Variants in POC1A observed in about 807,000 individuals in gnomAD.
The protein encoded by POC1A is POC1 centriolar protein homolog A.
In POC1A, 34 loss-of-function variants were observed where a neutral mutation model predicts 47.8. The observed-to-expected ratio is 0.71, with a 90% confidence interval of 0.54 to 0.95. POC1A has a LOEUF of 0.95. Ranked by LOEUF, POC1A falls within the 40% of genes least tolerant of loss-of-function variation. The pLI is 0.00. For synonymous variants in POC1A, 177 were observed against 207.6 expected, an observed-to-expected ratio of 0.85 and a Z score of 1.27; for missense variants, 466 against 528.3, an observed-to-expected ratio of 0.88 and a Z score of 1.16.
In POC1A at chr3:52,138,280, C is replaced by T. The variant is rs1401471853; in HGVS notation, c.702G>A (p.Gly234=). ...AGTTTCCCGACGGGTGGAAAGAGAG[C>T]CCGTTCACTGCTGCACTGTGCACTG... ...HYQLHSAAVN[G]LSFHPSGNYL... Residue 234 remains glycine (G), a synonymous_variant, in exon 7 of 11, where the codon GGG becomes GGA. Transcript: ENST00000296484. The T allele has an allele frequency of 5.6e-6, 9 of 1,613,286 alleles. No homozygotes were observed. Among genetic ancestry groups the T allele is most frequent in the Non-Finnish European group, 7.6e-6 (9 of 1,179,578 alleles).
chr3:52,085,532 C>T (rs1435880438), intron 10 of POC1A, among the ~76,000 whole-genome samples: 1 of 152,200 alleles, frequency 6.6e-6, no homozygotes, highest in Admixed American at 6.5e-5. Flanking sequence ...ACCCCGCCCA[C>T]CTGAGGCCCG....
At position 52,079,725 on chromosome 3, in the gene POC1A, AG is replaced by A. The variant is rs35824783; in HGVS notation, c.1126-3741del. On this transcript the variant is annotated intron_variant, in intron 10 of 10. Coordinates refer to ENST00000296484, the MANE Select transcript of POC1A (RefSeq NM_015426.5). The surrounding 1 kb of genome is among the most constrained non-coding windows in gnomAD (Gnocchi z 4.6). ...GGGCAGGGTAAAGGGAAACTGACGA[AG>A]GGGTTGAGGAGTCCAGGGCTCTGGC... Among the ~76,000 whole-genome samples, 3 of 152,174 alleles carry A rather than the reference AG, an allele frequency of 2.0e-5. No homozygotes were observed. Among genetic ancestry groups the A allele is most frequent in the Admixed American group, 2.0e-4 (3 of 15,284 alleles).
intron 9 of POC1A, among the ~76,000 whole-genome samples, chr3:52,100,911 A>G (rs772705054): frequency 3.3e-5 from 5 of 151,950 alleles, no homozygotes; most frequent in Non-Finnish European, 7.4e-5. Flanking sequence ...GCAAATATAA[A>G]AACACCTCTT....
chr3:52,154,198 C>G (rs1022043520), intron 1 of POC1A, among the ~76,000 whole-genome samples, 157 bp downstream of exon 1: 1 of 152,254 alleles, frequency 6.6e-6, no homozygotes, highest in African/African-American at 2.4e-5. Flanking sequence ...AGTGCCCGAC[C>G]CAGCGCCCCC....
At chr3:52,147,177 C>A in intron 4 of POC1A, 82 bp from the exon 5 acceptor site, 1 of 1,088,590 alleles carries the variant, frequency 9.2e-7, no homozygotes, top group East Asian at 2.5e-5. Context: ...GCCACTCTTC[C>A]CCGAGTGCCT....
chr3:52,087,709 C>G lies in POC1A; in HGVS notation c.1125+8860G>C, dbSNP rs368603361. 2.4e-4 allele frequency among the ~76,000 whole-genome samples: 36 copies of G among 152,330 alleles called. 1 individual carries two copies. The highest frequency in any genetic ancestry group is 8.7e-4 in the African/African-American group (36 of 41,568). On this transcript the variant is annotated intron_variant, in intron 10 of 10. Transcript: ENST00000296484. ...CTCTCTTTTCCATATCACTCTTTCC[C>G]CCAAAAGGAGAAGCTATAAAAAGTG...
intron 9 of POC1A, among the ~76,000 whole-genome samples, chr3:52,109,810 A>T (rs1703318854): frequency 6.6e-6 from 1 of 152,202 alleles, no homozygotes; most frequent in African/African-American, 2.4e-5. Flanking sequence ...GGCAACCAAT[A>T]AGAACATAAA....
At chr3:52,148,669 T>C (rs1382954041) in intron 4 of POC1A, among the ~76,000 whole-genome samples, 1 of 152,150 alleles carries the variant, frequency 6.6e-6, no homozygotes, top group African/African-American at 2.4e-5. Flanking sequence ...ATCTGGGAGC[T>C]CTGGAGCAAA....
chr3:52,114,334 G>GT (rs1169922040), intron 9 of POC1A, among the ~76,000 whole-genome samples: 1 of 152,152 alleles, frequency 6.6e-6, no homozygotes, highest in Non-Finnish European at 1.5e-5. Context: ...AACCGGAGAC[G>GT]CCCCACAGAA....
At chr3:52,146,667 G>A (rs982456654) in intron 5 of POC1A, among the ~76,000 whole-genome samples, 2 of 152,228 alleles carry the variant, frequency 1.3e-5, no homozygotes, top group Non-Finnish European at 2.9e-5. Context: ...ACTGCTGCCA[G>A]ACAGACATGT....
chr3:52,153,912 G>A (rs953381688), intron 1 of POC1A, among the ~76,000 whole-genome samples: 1 of 152,230 alleles, frequency 6.6e-6, no homozygotes, highest in African/African-American at 2.4e-5. Flanking sequence ...ACTCAGAGAG[G>A]GCGGCTCCGC....
intron 6 of POC1A, among the ~76,000 whole-genome samples, chr3:52,142,632 G>T (rs1013628402): frequency 6.6e-6 from 1 of 152,206 alleles, no homozygotes; most frequent in Admixed American, 6.5e-5. Flanking sequence ...ACACCCGAAG[G>T]CCATTCTGGA....
intron 9 of POC1A, among the ~76,000 whole-genome samples, chr3:52,111,508 G>T (rs1217018211): frequency 6.6e-6 from 1 of 152,104 alleles, no homozygotes; most frequent in South Asian, 2.1e-4. Context: ...TTAGCCAGGT[G>T]TAGTGGCAGG....
chr3:52,126,855 T>A (rs1198634011), intron 7 of POC1A, among the ~76,000 whole-genome samples: 2 of 152,224 alleles, frequency 1.3e-5, no homozygotes, highest in Non-Finnish European at 2.9e-5. Flanking sequence ...TATATGGGCA[T>A]GGCCTCAGGA....
At position 52,150,119 on chromosome 3, in the gene POC1A, G is replaced by C. The variant is rs1007499232; in HGVS notation, c.104-132C>G. The stretch of plus-strand genomic sequence containing the variant: ...GGCATCCACAAACAGACCGTGAGAA[G>C]TCTCCCATGGAGCAGAGCACATCTC... On this transcript the variant is annotated intron_variant, in intron 2 of 10. Transcript: ENST00000296484. 4.3e-6 allele frequency: 3 copies of C among 696,610 alleles called. No homozygotes were observed. In the African/African-American group the frequency reaches 5.4e-5, roughly 12 times the overall value. The allele number at this position is 696,610 out of a possible 1,614,324, so 43.2% of individuals were successfully genotyped here.
chr3:52,101,480 A>T (rs1703004871), intron 9 of POC1A, among the ~76,000 whole-genome samples: 1 of 152,212 alleles, frequency 6.6e-6, no homozygotes, highest in Non-Finnish European at 1.5e-5. Flanking sequence ...GAGATACAAA[A>T]TTTAAAATAA....
intron 9 of POC1A, among the ~76,000 whole-genome samples, chr3:52,110,430 A>C (rs188712713): frequency 1.3e-5 from 2 of 152,342 alleles, no homozygotes; most frequent in African/African-American, 4.8e-5. Context: ...AGTCAGACTT[A>C]AGCGACAGGT....
chr3:52,080,874 G>A (rs1020214215), intron 10 of POC1A, among the ~76,000 whole-genome samples: 8 of 152,324 alleles, frequency 5.3e-5, no homozygotes, highest in African/African-American at 9.6e-5. Context: ...ACAGGAAGCC[G>A]GATTGAGGAC....
chr3:52,143,300 C>G (rs1373128894), intron 6 of POC1A, among the ~76,000 whole-genome samples: 1 of 152,086 alleles, frequency 6.6e-6, no homozygotes, highest in Non-Finnish European at 1.5e-5. Flanking sequence ...ACCTCCCCAA[C>G]CCTGCCATCA....
Sources: allele counts gnomAD v4.1 joint callset (sites outside exome capture counted in the v4.1 genomes callset), GRCh38; gene constraint gnomAD v4.1.1; non-coding constraint Gnocchi (gnomAD v3.1); transcripts MANE v1.5; gene names NCBI Gene and HGNC (gene_info 2026-07-23, HGNC 2026-07-21).